CNTNAP2: variants seen among roughly 807,000 people sequenced by gnomAD.
CNTNAP2 encodes contactin associated protein 2.
Under a neutral mutation model 155.2 loss-of-function variants are expected in CNTNAP2, and 98 were observed. The observed-to-expected ratio is 0.63, with a 90% CI of 0.54 to 0.75. The LOEUF is 0.75. Among genes scored for constraint, CNTNAP2 ranks in the 30% least tolerant of loss-of-function variants. The pLI is 0.00. For missense variants in CNTNAP2, 1,727 were observed against 1,688.1 expected (o/e 1.02, Z -0.40); for synonymous variants, 651 against 631.2 (o/e 1.03, Z -0.47).
At chr7:146,914,143 C>T (rs917117351) in intron 3 of CNTNAP2, among the ~76,000 whole-genome samples, 6 of 151,886 alleles carry the variant, frequency 4.0e-5, no homozygotes, top group Non-Finnish European at 8.8e-5. Flanking sequence ...TGCTTTATGG[C>T]TCAGTCGTAT....
chr7:147,731,338 T>C (rs1796735277), intron 13 of CNTNAP2, among the ~76,000 whole-genome samples: 1 of 152,082 alleles, frequency 6.6e-6, no homozygotes, highest in Admixed American at 6.6e-5. Context: ...AAGCCAATAT[T>C]CACTTACTGT....
chr7:147,446,119 CTTTCTT>C (rs1394589520), intron 10 of CNTNAP2, among the ~76,000 whole-genome samples: 1 of 136,330 alleles, frequency 7.3e-6, no homozygotes. Flanking sequence ...CTCTTTGTTT[CTTTCTT>C]TTTTTTTTTT....
intron 3 of CNTNAP2, among the ~76,000 whole-genome samples, chr7:146,842,435 C>T (rs116107553): frequency 1.6e-4 from 25 of 151,968 alleles, no homozygotes; most frequent in Non-Finnish European, 3.2e-4. Flanking sequence ...GTAGTGAGCT[C>T]ATTATAAAAT....
intron 21 of CNTNAP2, among the ~76,000 whole-genome samples, chr7:148,281,304 C>T (rs370564361): frequency 1.1e-4 from 17 of 152,262 alleles, no homozygotes; most frequent in East Asian, 5.8e-4. Context: ...GGAAAGTCCC[C>T]GATGGCAGCT....
chr7:147,907,833 G>A (rs1045261536), intron 14 of CNTNAP2, among the ~76,000 whole-genome samples: 2 of 151,926 alleles, frequency 1.3e-5, no homozygotes, highest in African/African-American at 4.8e-5. Context: ...CCAGGCTGAG[G>A]TACAGTAGTG....
At chr7:146,444,723 T>A (rs2129120678) in intron 1 of CNTNAP2, among the ~76,000 whole-genome samples, 1 of 151,500 alleles carries the variant, frequency 6.6e-6, no homozygotes, top group East Asian at 2.0e-4. Flanking sequence ...AGTGGCATGA[T>A]CTCGGCTCAC....
chr7:147,423,641 C>T (rs544982247), intron 10 of CNTNAP2, among the ~76,000 whole-genome samples: 1 of 152,214 alleles, frequency 6.6e-6, no homozygotes, highest in South Asian at 2.1e-4. Context: ...TCCATGTAGA[C>T]CATTCTTTCA....
Position 147,226,781 on chromosome 7 carries a change from A to G in CNTNAP2, c.1349-73360A>G, listed in dbSNP as rs530145531. ...GAAATTAGCCTTCCGCTCTTTTACT[A>G]TTCCGTTCCTTTACAATTCATGCTA... is the stretch of plus-strand genomic sequence containing the variant. On this transcript the variant is annotated intron_variant, in intron 8 of 23. Coordinates refer to ENST00000361727, the MANE Select transcript of CNTNAP2 (RefSeq NM_014141.6). Among the ~76,000 whole-genome samples the G allele has an allele frequency of 2.9e-4, 44 of 152,294 alleles. No homozygotes were observed. The South Asian group carries it at 4.8e-3, about 16-fold the overall frequency.
intron 16 of CNTNAP2, among the ~76,000 whole-genome samples, chr7:148,134,869 T>G (rs1297528479): frequency 6.6e-6 from 1 of 152,180 alleles, no homozygotes; most frequent in Non-Finnish European, 1.5e-5. Context: ...TATTCCAATA[T>G]ATTTAAATTA....
intron 10 of CNTNAP2, among the ~76,000 whole-genome samples, chr7:147,418,365 T>C (rs1299237417): frequency 6.6e-6 from 1 of 152,228 alleles, no homozygotes; most frequent in Admixed American, 6.5e-5. Context: ...ACTTCTGAAA[T>C]TGACCTTTAT....
At chr7:147,414,766 C>T (rs1488094029) in intron 10 of CNTNAP2, among the ~76,000 whole-genome samples, 1 of 151,330 alleles carries the variant, frequency 6.6e-6, no homozygotes, top group East Asian at 2.0e-4. Context: ...AAGGTGAAAC[C>T]CCGTCTCTAC....
intron 1 of CNTNAP2, among the ~76,000 whole-genome samples, chr7:146,513,924 C>T (rs1393224821): frequency 6.6e-6 from 1 of 151,932 alleles, no homozygotes; most frequent in Non-Finnish European, 1.5e-5. Flanking sequence ...CTCCTCATTC[C>T]TTCAGGTTTG....
chr7:147,037,799 G>T (rs146013927), intron 3 of CNTNAP2, among the ~76,000 whole-genome samples: 1 of 152,024 alleles, frequency 6.6e-6, no homozygotes, highest in African/African-American at 2.4e-5. Flanking sequence ...CATGTTAGAC[G>T]TTGTTTTTAT....
At chr7:147,012,474 G>C (rs1798645547) in intron 3 of CNTNAP2, among the ~76,000 whole-genome samples, 1 of 152,138 alleles carries the variant, frequency 6.6e-6, no homozygotes. Context: ...TAATTAGGAA[G>C]ATGAAGTAGT....
intron 13 of CNTNAP2, among the ~76,000 whole-genome samples, chr7:147,901,015 C>T (rs1799859841): frequency 6.6e-6 from 1 of 152,102 alleles, no homozygotes; most frequent in Admixed American, 6.6e-5. Context: ...TCCCTGTGCC[C>T]TACCTTCATG....
chr7:146,131,439 AT>A (rs2116736156), intron 1 of CNTNAP2, among the ~76,000 whole-genome samples: 1 of 152,324 alleles, frequency 6.6e-6, no homozygotes, highest in South Asian at 2.1e-4. Flanking sequence ...TTAGAGAGGT[AT>A]GCATTTATAA....
At chr7:147,194,919 G>C (rs1388750553) in intron 8 of CNTNAP2, among the ~76,000 whole-genome samples, 3 of 152,120 alleles carry the variant, frequency 2.0e-5, no homozygotes, top group Non-Finnish European at 4.4e-5. Flanking sequence ...AAGCTCTTTA[G>C]TTTAATCAGA....
At chr7:147,021,309 A>G (rs1285825650) in intron 3 of CNTNAP2, among the ~76,000 whole-genome samples, 1 of 152,124 alleles carries the variant, frequency 6.6e-6, no homozygotes, top group Non-Finnish European at 1.5e-5. Context: ...GGATGCCTCT[A>G]TTCTAGAAGC....
intron 12 of CNTNAP2, among the ~76,000 whole-genome samples, chr7:147,628,583 A>T (rs1338665162): frequency 6.6e-6 from 1 of 152,214 alleles, no homozygotes; most frequent in Non-Finnish European, 1.5e-5. Context: ...TAAGGTATTA[A>T]GGCAACAACT....
Sources: allele counts gnomAD v4.1 joint callset (sites outside exome capture counted in the v4.1 genomes callset), GRCh38; gene constraint gnomAD v4.1.1; transcripts MANE v1.5; gene names NCBI Gene and HGNC (gene_info 2026-07-23, HGNC 2026-07-21).